Variants in DRC8 observed in about 807,000 individuals in gnomAD.
The protein encoded by DRC8 is dynein regulatory complex protein 8.
At chr1:245,068,968 A>G in the DRC8 span, among the ~76,000 whole-genome samples, 1 of 152,208 alleles carries the variant, frequency 6.6e-6, no homozygotes, top group African/African-American at 2.4e-5. Flanking sequence ...ACTCACTATT[A>G]CATCAAAATG....
At chr1:245,024,327 A>T in the DRC8 span, among the ~76,000 whole-genome samples, 4 of 152,130 alleles carry the variant, frequency 2.6e-5, no homozygotes, top group Admixed American at 6.5e-5. Flanking sequence ...CACAAAAGTG[A>T]GAACTTTTTC....
At chr1:245,111,029 A>G in the DRC8 span, among the ~76,000 whole-genome samples, 1 of 152,222 alleles carries the variant, frequency 6.6e-6, no homozygotes, top group Non-Finnish European at 1.5e-5. Flanking sequence ...AAAAAAAACT[A>G]CATGTGCATG....
chr1:245,026,870 G>A, the DRC8 span, among the ~76,000 whole-genome samples: 2 of 152,110 alleles, frequency 1.3e-5, no homozygotes, highest in Non-Finnish European at 2.9e-5. Context: ...GAAATGATAA[G>A]GATTATCCTC....
the DRC8 span, among the ~76,000 whole-genome samples, chr1:245,040,034 A>T: frequency 2.0e-5 from 3 of 152,166 alleles, no homozygotes; most frequent in African/African-American, 7.2e-5. Flanking sequence ...GCAAATATTG[A>T]TTCCCCTCAA....
the DRC8 span, among the ~76,000 whole-genome samples, chr1:245,012,832 A>G: frequency 6.6e-6 from 1 of 152,182 alleles, no homozygotes; most frequent in Non-Finnish European, 1.5e-5. Context: ...TCTAAATTGT[A>G]TATGGATTTC....
chr1:245,068,023 C>CT, the DRC8 span, among the ~76,000 whole-genome samples: 145,063 of 152,146 alleles, frequency 0.95, 69,556 homozygotes, highest in South Asian at 1. Flanking sequence ...GCCATTACTT[C>CT]GAGTAGCATC....
chr1:245,008,977 T>C, the DRC8 span, among the ~76,000 whole-genome samples: 9 of 150,924 alleles, frequency 6.0e-5, no homozygotes, highest in African/African-American at 1.2e-4. Context: ...CATGAGTCAC[T>C]GCACCTGGCC....
At chr1:245,025,678 G>A in the DRC8 span, among the ~76,000 whole-genome samples, 1 of 152,142 alleles carries the variant, frequency 6.6e-6, no homozygotes, top group African/African-American at 2.4e-5. Flanking sequence ...TATTCTGTGT[G>A]ATATGGTTTC....
At chr1:245,102,389 G>A in the DRC8 span, among the ~76,000 whole-genome samples, 37 of 150,816 alleles carry the variant, frequency 2.5e-4, no homozygotes, top group African/African-American at 8.5e-4. Context: ...TCATTCTGTC[G>A]CCCAGGCTGG....
the DRC8 span, among the ~76,000 whole-genome samples, chr1:245,073,052 A>T: frequency 2.0e-5 from 3 of 152,222 alleles, no homozygotes; most frequent in Admixed American, 2.0e-4. Context: ...GCAATACAAG[A>T]ACAGCCTAAT....
chr1:245,100,804 AT>A, the DRC8 span, among the ~76,000 whole-genome samples: 1 of 107,234 alleles, frequency 9.3e-6, no homozygotes, highest in Non-Finnish European at 2.2e-5. Flanking sequence ...AATAATAATA[AT>A]AATAATAATA....
the DRC8 span, among the ~76,000 whole-genome samples, chr1:245,054,075 C>CA: frequency 6.6e-6 from 1 of 151,758 alleles, no homozygotes; most frequent in African/African-American, 2.4e-5. Context: ...TCTTCAGTAT[C>CA]AAAAAAGAAA....
At chr1:245,031,050 T>C in the DRC8 span, among the ~76,000 whole-genome samples, 15 of 152,316 alleles carry the variant, frequency 9.8e-5, no homozygotes, top group Non-Finnish European at 2.1e-4. Flanking sequence ...GGGAGGGAAG[T>C]GTGGATTTGG....
chr1:244,970,293 T>A, the DRC8 span: 1 of 712,494 alleles, frequency 1.4e-6, no homozygotes, highest in Non-Finnish European at 2.4e-6. Flanking sequence ...CCCAAGGGTC[T>A]TCCTCCCCCG....
At chr1:245,080,509 TC>T in the DRC8 span, among the ~76,000 whole-genome samples, 1 of 152,176 alleles carries the variant, frequency 6.6e-6, no homozygotes, top group Non-Finnish European at 1.5e-5. Flanking sequence ...CCTCAGCTGG[TC>T]CCTCACTCAG....
chr1:245,005,356 A>AT, the DRC8 span, among the ~76,000 whole-genome samples: 1,663 of 143,710 alleles, frequency 0.012, 35 homozygotes, highest in African/African-American at 0.038. Context: ...ATTGGTATTA[A>AT]TTTTTTTTTT....
the DRC8 span, among the ~76,000 whole-genome samples, chr1:245,072,631 A>G: frequency 7.2e-5 from 11 of 152,346 alleles, no homozygotes; most frequent in African/African-American, 2.4e-4. Context: ...TGAATGTACA[A>G]CACCAAAAGC....
the DRC8 span, among the ~76,000 whole-genome samples, chr1:245,117,211 C>G: frequency 1.3e-5 from 2 of 152,036 alleles, no homozygotes; most frequent in Non-Finnish European, 2.9e-5. Context: ...CACCACCACA[C>G]CCGGCTAATT....
At chr1:245,119,645 A>AATAAAAAATAAGT in the DRC8 span, among the ~76,000 whole-genome samples, 1 of 151,820 alleles carries the variant, frequency 6.6e-6, no homozygotes. Context: ...TCTAAAAAAA[A>AATAAAAAATAAGT]AAAGGAGGCT....
Sources: gnomAD v4.1 joint callset for allele counts (sites outside exome capture counted in the v4.1 genomes callset) on GRCh38, gnomAD v4.1.1 for gene constraint, MANE v1.5 for transcripts, NCBI Gene and HGNC (gene_info 2026-07-23, HGNC 2026-07-21) for gene names.